Variants in SLC6A2 observed in about 807,000 individuals in gnomAD.
SLC6A2 encodes solute carrier family 6 member 2, also known as sodium-dependent noradrenaline transporter.
Under a neutral mutation model 71.7 loss-of-function variants are expected in SLC6A2, and 26 were observed. The ratio of observed to expected loss-of-function variants is 0.36; its 90% confidence interval spans 0.27 to 0.50. The LOEUF (loss-of-function observed/expected upper bound fraction) is 0.50, where lower values mean the gene tolerates loss of function less well. Ranked by LOEUF, SLC6A2 falls within the 20% of genes least tolerant of loss-of-function variation. The pLI, the probability that SLC6A2 is intolerant of heterozygous loss-of-function variation, is 0.96. For missense variants in SLC6A2, 581 were observed against 803.9 expected (o/e 0.72, Z 3.35); for synonymous variants, 363 against 337.9 (o/e 1.07, Z -0.82).
rs956080193 is a variant in SLC6A2 at position 55,671,782 on chromosome 16, C to G, written c.407-156C>G. On this transcript the variant is annotated intron_variant, in intron 3 of 14. Coordinates refer to ENST00000568943, the MANE Select transcript of SLC6A2 (RefSeq NM_001172501.3). ...ATCTGTGGAAAAATTGTCTTCCATG[C>G]GACAGGTCACTGGTGCTGAAAAGGT... 2.8e-6 allele frequency: 4 copies of G among 1,442,654 alleles called. No homozygotes were observed. In the Admixed American group the frequency reaches 1.0e-4, roughly 37 times the overall value. 89.4% of individuals were successfully genotyped at this position (1,442,654 alleles called of 1,614,324 possible). A position where few individuals can be genotyped will look rare whatever the true frequency, so the allele number is the denominator to read the frequency against.
chr16:55,692,488 G>T (rs527499252), intron 6 of SLC6A2, among the ~76,000 whole-genome samples: 11 of 152,214 alleles, frequency 7.2e-5, no homozygotes, highest in Admixed American at 2.0e-4. Flanking sequence ...AGCCACCAGG[G>T]AGGCCCTGCC....
intron 5 of SLC6A2, among the ~76,000 whole-genome samples, chr16:55,689,569 G>A (rs1380859342): frequency 6.6e-6 from 1 of 152,204 alleles, no homozygotes. Context: ...TTGCAGCAGG[G>A]CTGCAGCTAT....
intron 2 of SLC6A2, among the ~76,000 whole-genome samples, chr16:55,659,832 C>G (rs1964562079): frequency 6.6e-6 from 1 of 152,178 alleles, no homozygotes; most frequent in African/African-American, 2.4e-5. Flanking sequence ...GTTCCAGTTT[C>G]TAGCTGTAAG....
intron 5 of SLC6A2, among the ~76,000 whole-genome samples, chr16:55,686,925 A>G (rs1450652540): frequency 3.9e-5 from 6 of 152,310 alleles, no homozygotes; most frequent in African/African-American, 1.4e-4. Context: ...AGTTTGGGGA[A>G]CTTCATTAAG....
chr16:55,684,961 G>C (rs1596990670), intron 4 of SLC6A2, among the ~76,000 whole-genome samples, 182 bp from the exon 5 acceptor site: 2 of 152,334 alleles, frequency 1.3e-5, no homozygotes, highest in South Asian at 4.1e-4. Context: ...CTGGGCACAG[G>C]CCATGGCTGA....
In SLC6A2 at chr16:55,705,397, A is replaced by G. The variant is rs2142653236; in HGVS notation, c.*3051A>G. ...AGACTGAAGCATTCTTACCAAAGAA[A>G]TCATTTCCTAGTAAAGAAGCCCATT... On this transcript the variant is annotated 3_prime_UTR_variant, in exon 15 of 15. Coordinates refer to ENST00000568943, the MANE Select transcript of SLC6A2 (RefSeq NM_001172501.3). 2 of 648,190 alleles carry G rather than the reference A, an allele frequency of 3.1e-6. No individual in the cohort carries two copies. The highest frequency in any genetic ancestry group is 2.7e-5 in the East Asian group (1 of 36,488). 40.2% of individuals were successfully genotyped at this position (648,190 alleles called of 1,614,324 possible).
rs777701902 is a variant in SLC6A2 at position 55,700,156 on chromosome 16, C to T, written c.1608C>T (p.Ser536=). 1.2e-6 allele frequency: 2 copies of T among 1,613,908 alleles called. No individual in the cohort carries two copies. The highest frequency in any genetic ancestry group is 1.1e-5 in the South Asian group (1 of 91,080). The change falls in exon 13 of 15, where the codon AGC becomes AGT. Residue 536 remains serine, a synonymous_variant. Transcript: ENST00000568943. ...ATCTCTAGTTCGTGGTTGTGGTCAG[C>T]ATCATCAACTTCAAGCCACTCACCT... is the stretch of plus-strand genomic sequence containing the variant. The part of the protein sequence containing the change: ...PAFLLFVVVV[S]IINFKPLTYD...
At chr16:55,696,161 C>T (rs959169602) in intron 8 of SLC6A2, 64 bp from the exon 9 acceptor site, 1 of 978,180 alleles carries the variant, frequency 1.0e-6, no homozygotes, top group Non-Finnish European at 1.7e-6. Flanking sequence ...CAGATACTCC[C>T]CTATCATGTG....
chr16:55,688,003 A>G (rs1386050575), intron 5 of SLC6A2, among the ~76,000 whole-genome samples: 3 of 152,204 alleles, frequency 2.0e-5, no homozygotes, highest in African/African-American at 7.2e-5. Context: ...TGTCATCCGA[A>G]ACCACAGCCC....
chr16:55,699,128 T>G (rs1965892017), intron 11 of SLC6A2, among the ~76,000 whole-genome samples: 1 of 152,212 alleles, frequency 6.6e-6, no homozygotes, highest in African/African-American at 2.4e-5. Context: ...CTGTTCTCAC[T>G]CTGCTGCCAC....
chr16:55,670,196 A>G (rs960593968), intron 3 of SLC6A2, among the ~76,000 whole-genome samples: 3 of 152,188 alleles, frequency 2.0e-5, no homozygotes, highest in Admixed American at 2.0e-4. Context: ...AGCAACTGCT[A>G]TTTCTTGGCC....
chr16:55,675,192 T>C (rs1313367105), intron 4 of SLC6A2, among the ~76,000 whole-genome samples: 1 of 152,200 alleles, frequency 6.6e-6, no homozygotes, highest in Non-Finnish European at 1.5e-5. Context: ...TGCATAGCAC[T>C]CTGTTCACAA....
At chr16:55,698,150 C>A (rs1017612992) in intron 10 of SLC6A2, 125 bp downstream of exon 10, 2 of 1,073,178 alleles carry the variant, frequency 1.9e-6, no homozygotes, top group Non-Finnish European at 2.8e-6. Context: ...CCAGCATCCT[C>A]AATTCAGCGG....
At chr16:55,667,217 G>A (rs1964777574) in intron 2 of SLC6A2, among the ~76,000 whole-genome samples, 1 of 152,094 alleles carries the variant, frequency 6.6e-6, no homozygotes, top group South Asian at 2.1e-4. Flanking sequence ...GTTTAATACA[G>A]CTATCTAACT....
intron 7 of SLC6A2, among the ~76,000 whole-genome samples, chr16:55,694,408 T>C (rs1376310708): frequency 1.3e-5 from 2 of 152,144 alleles, no homozygotes; most frequent in Non-Finnish European, 2.9e-5. Context: ...GATTTCAGTA[T>C]GGACTCTGTC....
At position 55,705,209 on chromosome 16, in the gene SLC6A2, A is replaced by G; in HGVS notation, c.*2863A>G. 1.3e-6 allele frequency: 2 copies of G among 1,534,898 alleles called. No individual in the cohort carries two copies. Among genetic ancestry groups the G allele is most frequent in the Non-Finnish European group, 1.7e-6 (2 of 1,145,506 alleles). ...ATTTAGCACCCACCTTTTAGCTTTC[A>G]TTCTAGATGAAAACGAGACAAGGGA... is the stretch of plus-strand genomic sequence containing the variant. On this transcript the variant is annotated 3_prime_UTR_variant, in exon 15 of 15. Coordinates refer to ENST00000568943, the MANE Select transcript of SLC6A2 (RefSeq NM_001172501.3).
chr16:55,656,666 C>A lies in SLC6A2; in HGVS notation c.-29C>A, dbSNP rs1009806333. On this transcript the variant is annotated 5_prime_UTR_variant, in exon 2 of 15. Coordinates refer to ENST00000568943, the MANE Select transcript of SLC6A2 (RefSeq NM_001172501.3). The surrounding 1 kb of genome is among the most constrained non-coding windows in gnomAD (Gnocchi z 4.5). ...CAGAGCCTCGGCGTGCCCCCAGGAC[C>A]GGTAAAGTTCCTCTCGCCAGCCGCA... 4 of 1,610,938 alleles carry A rather than the reference C, an allele frequency of 2.5e-6. No homozygotes were observed. The highest frequency in any genetic ancestry group is 1.7e-5 in the Admixed American group (1 of 59,998).
Position 55,695,362 on chromosome 16 carries a change from C to T in SLC6A2, c.1107C>T (p.Ala369=). ...FAIFSILGYM[A]HEHKVNIEDV... is the part of the protein sequence containing the mutation. ...TCTTCTCCATCCTTGGTTACATGGC[C>T]CATGAACACAAGGTCAACATTGAGG... Residue 369 remains alanine, a synonymous_variant, in exon 8 of 15, where the codon GCC becomes GCT. Transcript: ENST00000568943. 6.2e-7 allele frequency: 1 copy of T among 1,614,212 alleles called. No homozygotes were observed.
intron 4 of SLC6A2, among the ~76,000 whole-genome samples, chr16:55,683,326 AC>A (rs1271157144): frequency 1.1e-4 from 16 of 152,192 alleles, no homozygotes; most frequent in Non-Finnish European, 1.8e-4. Flanking sequence ...CTTATAAAAA[AC>A]CAGGCCTGGC....
Sources: gnomAD v4.1 joint callset for allele counts (sites outside exome capture counted in the v4.1 genomes callset) on GRCh38, gnomAD v4.1.1 for gene constraint, Gnocchi (gnomAD v3.1) non-coding constraint, MANE v1.5 for transcripts, NCBI Gene and HGNC (gene_info 2026-07-23, HGNC 2026-07-21) for gene names.